ROBO2: variants seen among roughly 807,000 people sequenced by gnomAD.
ROBO2 encodes the protein roundabout homolog 2.
A neutral mutation model predicts 160.8 loss-of-function variants in ROBO2; 53 were observed. That is an observed-to-expected ratio of 0.33 (90% CI 0.26 to 0.41). The LOEUF is 0.41. ROBO2 is among the 10% of genes least tolerant of loss of function. ROBO2 has a pLI of 1.00. For synonymous variants in ROBO2, 664 were observed against 611.7 expected, an observed-to-expected ratio of 1.09 and a Z score of -1.26; for missense variants, 1,577 against 1,722.4, an observed-to-expected ratio of 0.92 and a Z score of 1.49.
At chr3:77,189,217 T>C (rs151003429) in intron 2 of ROBO2, among the ~76,000 whole-genome samples, 1 of 151,896 alleles carries the variant, frequency 6.6e-6, no homozygotes. Flanking sequence ...ATTATTGTAC[T>C]ACTTTGTTTT....
chr3:76,478,253 C>T (rs9837873), intron 2 of ROBO2, among the ~76,000 whole-genome samples: 15,056 of 142,552 alleles, frequency 0.11, 839 homozygotes, highest in Middle Eastern at 0.15. Flanking sequence ...TGTTCAATTC[C>T]CACCTATGAG....
At chr3:77,562,195 T>C (rs945915653) in intron 9 of ROBO2, among the ~76,000 whole-genome samples, 3 of 152,196 alleles carry the variant, frequency 2.0e-5, no homozygotes, top group Non-Finnish European at 4.4e-5. Context: ...ATTGCTTATT[T>C]ACTCGGGTAT....
chr3:76,198,070 C>T (rs979693013), intron 2 of ROBO2, among the ~76,000 whole-genome samples: 1 of 152,084 alleles, frequency 6.6e-6, no homozygotes, highest in Non-Finnish European at 1.5e-5. Context: ...TCCTCTAGGC[C>T]GAGAGTTTTC....
chr3:76,700,874 A>G lies in ROBO2; in HGVS notation c.110-397140A>G, dbSNP rs1056701443. Among the ~76,000 whole-genome samples the G allele has an allele frequency of 1.1e-4, 17 of 152,284 alleles. No homozygotes were observed. In the East Asian group the frequency reaches 2.9e-3, roughly 26 times the overall value. Reference sequence around the variant, plus strand: ...GTTATGTCTGTAATAATACATTTTCATAGTCATTCATTCACTTGTATACTC... The same window carrying G: ...GTTATGTCTGTAATAATACATTTTCGTAGTCATTCATTCACTTGTATACTC... On this transcript the variant is annotated intron_variant, in intron 2 of 26. Coordinates refer to the ROBO2 transcript ENST00000487694.
At chr3:76,205,805 C>T (rs1014102002) in intron 2 of ROBO2, among the ~76,000 whole-genome samples, 12 of 152,218 alleles carry the variant, frequency 7.9e-5, no homozygotes, top group South Asian at 2.1e-4. Context: ...CCAGTACCTC[C>T]GTTTGAGGGT....
chr3:77,603,631 T>C (rs1392165155), intron 20 of ROBO2: 1 of 152,830 alleles, frequency 6.5e-6, no homozygotes, highest in Non-Finnish European at 1.5e-5. Context: ...TTAATATGTA[T>C]TTGAGATATA....
intron 2 of ROBO2, among the ~76,000 whole-genome samples, chr3:77,427,982 T>A (rs2078375218): frequency 6.6e-6 from 1 of 152,196 alleles, no homozygotes; most frequent in Non-Finnish European, 1.5e-5. Flanking sequence ...CTGAGCTGGT[T>A]TTTCATTAAA....
At chr3:76,905,339 G>C (rs1374364714) in intron 2 of ROBO2, among the ~76,000 whole-genome samples, 1 of 152,060 alleles carries the variant, frequency 6.6e-6, no homozygotes, top group East Asian at 1.9e-4. Context: ...ACGTATAGGG[G>C]GCACACAAGA....
In ROBO2 at chr3:76,089,824, G is replaced by A. The variant is rs569990613; in HGVS notation, c.109+152222G>A. 2.0e-5 allele frequency among the ~76,000 whole-genome samples: 3 copies of A among 152,116 alleles called. No homozygotes were observed. The South Asian group carries it at 6.2e-4, about 32-fold the overall frequency. The stretch of plus-strand genomic sequence containing the variant: ...CTTTCCAAGATCGTACTGGAAGTTC[G>A]AGCTAATCAAATAAGAAAACAAAAT... On this transcript the variant is annotated intron_variant, in intron 2 of 26. Coordinates refer to the ROBO2 transcript ENST00000487694.
intron 2 of ROBO2, among the ~76,000 whole-genome samples, chr3:77,411,239 C>A (rs2076775870): frequency 6.6e-6 from 1 of 152,138 alleles, no homozygotes; most frequent in Non-Finnish European, 1.5e-5. Flanking sequence ...CCACAATTAT[C>A]CAAGTAATTC....
At chr3:76,160,392 G>A (rs1577098843) in intron 2 of ROBO2, among the ~76,000 whole-genome samples, 2 of 152,206 alleles carry the variant, frequency 1.3e-5, no homozygotes, top group African/African-American at 2.4e-5. Context: ...AATTTCAGTC[G>A]GAATTGTGTA....
chr3:76,834,499 T>A (rs1388313019), intron 2 of ROBO2, among the ~76,000 whole-genome samples: 1 of 151,918 alleles, frequency 6.6e-6, no homozygotes, highest in Non-Finnish European at 1.5e-5. Flanking sequence ...CAGCCTTGCA[T>A]GTAGCTGAGA....
intron 2 of ROBO2, among the ~76,000 whole-genome samples, chr3:76,888,582 C>T (rs2074097265): frequency 6.6e-6 from 1 of 152,144 alleles, no homozygotes; most frequent in Non-Finnish European, 1.5e-5. Context: ...TCAATATGTG[C>T]ACTCCATCAG....
chr3:77,017,702 T>G (rs1424503411), intron 2 of ROBO2, among the ~76,000 whole-genome samples: 1 of 152,232 alleles, frequency 6.6e-6, no homozygotes, highest in East Asian at 1.9e-4. Context: ...TTATAGTTTA[T>G]TGTTAAATCA....
At chr3:77,286,960 G>C (rs1262410500) in intron 2 of ROBO2, among the ~76,000 whole-genome samples, 1 of 152,206 alleles carries the variant, frequency 6.6e-6, no homozygotes, top group African/African-American at 2.4e-5. Context: ...ACAAGTGAAA[G>C]ACAACTTGGA....
intron 2 of ROBO2, among the ~76,000 whole-genome samples, chr3:76,128,604 C>T (rs1357047134): frequency 8.1e-6 from 1 of 124,042 alleles, no homozygotes; most frequent in African/African-American, 2.7e-5. Flanking sequence ...GATAGGTTAT[C>T]CCCAAAGATA....
chr3:76,566,996 T>A (rs930603496), intron 2 of ROBO2, among the ~76,000 whole-genome samples: 6 of 152,188 alleles, frequency 3.9e-5, no homozygotes, highest in Admixed American at 2.6e-4. Context: ...TTTATATATT[T>A]ATCCATGGGA....
intron 5 of ROBO2, among the ~76,000 whole-genome samples, chr3:77,505,833 A>T (rs2088431188): frequency 6.6e-6 from 1 of 152,206 alleles, no homozygotes; most frequent in African/African-American, 2.4e-5. Context: ...TTGAATCCAA[A>T]TCCAAATCCA....
chr3:76,646,349 T>C (rs1370193777), intron 2 of ROBO2, among the ~76,000 whole-genome samples: 1 of 152,174 alleles, frequency 6.6e-6, no homozygotes, highest in Non-Finnish European at 1.5e-5. Context: ...AGTTTGCTTG[T>C]AGAAGTTTCA....
Sources: gnomAD v4.1 joint callset for allele counts (sites outside exome capture counted in the v4.1 genomes callset) on GRCh38, gnomAD v4.1.1 for gene constraint, MANE v1.5 for transcripts, NCBI Gene and HGNC (gene_info 2026-07-23, HGNC 2026-07-21) for gene names.